Variants in MBD5 observed in about 807,000 individuals in gnomAD.
The protein encoded by MBD5 is methyl-CpG-binding domain protein 5.
Under a neutral mutation model 117.3 loss-of-function variants are expected in MBD5, and 13 were observed. The observed-to-expected ratio is 0.11, with a 90% CI of 0.07 to 0.18. MBD5 has a LOEUF of 0.18. MBD5 is among the 10% of genes least tolerant of loss of function. MBD5 has a pLI of 1.00. For missense variants in MBD5, 1,879 were observed against 2,093.8 expected, an observed-to-expected ratio of 0.90 and a Z score of 2.00; for synonymous variants, 727 against 766.4, an observed-to-expected ratio of 0.95 and a Z score of 0.85.
intron 3 of MBD5, among the ~76,000 whole-genome samples, chr2:148,324,022 A>C (rs1205312836): frequency 1.3e-5 from 2 of 152,152 alleles, no homozygotes; most frequent in Non-Finnish European, 2.9e-5. Flanking sequence ...TTTTTGTATA[A>C]GGTGTAAGGA....
At chr2:148,328,503 C>A (rs541409059) in intron 3 of MBD5, among the ~76,000 whole-genome samples, 2 of 152,188 alleles carry the variant, frequency 1.3e-5, no homozygotes, top group African/African-American at 4.8e-5. Flanking sequence ...ACTCTGTGGG[C>A]GTAGGACCCT....
intron 2 of MBD5, among the ~76,000 whole-genome samples, chr2:148,214,664 C>G (rs1699508631): frequency 6.6e-6 from 1 of 152,150 alleles, no homozygotes; most frequent in South Asian, 2.1e-4. Context: ...TATGTTGCTT[C>G]TCTACCCCAT....
intron 3 of MBD5, among the ~76,000 whole-genome samples, chr2:148,265,411 C>T (rs1304236218): frequency 2.6e-5 from 4 of 152,116 alleles, no homozygotes; most frequent in Admixed American, 6.5e-5. Flanking sequence ...GTATTCTAAA[C>T]ATCTTTCTAT....
In MBD5 at chr2:148,048,658, A is replaced by G. The variant is rs149139995; in HGVS notation, c.-925+26974A>G. On this transcript the variant is annotated intron_variant, in intron 1 of 13. Coordinates refer to ENST00000642680, the MANE Select transcript of MBD5 (RefSeq NM_001378120.1). ...TCCAGGAATGAGGAAGAACATATTC[A>G]AAAGGAGGGTCAAGGTAACATGACT... 4.6e-3 allele frequency among the ~76,000 whole-genome samples: 696 copies of G among 152,254 alleles called. 12 individuals carry two copies. The highest frequency in any genetic ancestry group is 0.03 in the Admixed American group (466 of 15,280).
chr2:148,296,501 A>G, intron 3 of MBD5: 1 of 157,490 alleles, frequency 6.3e-6, no homozygotes, highest in Non-Finnish European at 1.4e-5. Flanking sequence ...TGAAGAACTG[A>G]ATTCCCAAAA....
chr2:148,227,003 C>G (rs1015728084), intron 2 of MBD5, among the ~76,000 whole-genome samples: 125 of 152,244 alleles, frequency 8.2e-4, no homozygotes, highest in Non-Finnish European at 1.3e-3. Context: ...ATTGTAGATT[C>G]TGGATATTAG....
intron 3 of MBD5, among the ~76,000 whole-genome samples, chr2:148,236,556 G>A (rs1700096042): frequency 1.3e-5 from 2 of 152,070 alleles, no homozygotes; most frequent in Admixed American, 1.3e-4. Context: ...TGGGCAGTAG[G>A]TCTCAACAGC....
At chr2:148,086,504 A>G (rs1573997983) in intron 1 of MBD5, among the ~76,000 whole-genome samples, 1 of 152,176 alleles carries the variant, frequency 6.6e-6, no homozygotes, top group South Asian at 2.1e-4. Flanking sequence ...CAGTGTTTTA[A>G]TGCAAAATAT....
intron 4 of MBD5, chr2:148,347,716 A>T (rs1206299621): frequency 6.6e-6 from 1 of 152,066 alleles, no homozygotes; most frequent in African/African-American, 2.4e-5. Flanking sequence ...AAGAAAACAA[A>T]GGACTTCTAG....
In MBD5 at chr2:148,512,963, G is replaced by T. The variant is rs770071451; in HGVS notation, c.*22G>T. 1.3e-6 allele frequency: 2 copies of T among 1,599,686 alleles called. No individual in the cohort carries two copies. Among genetic ancestry groups the T allele is most frequent in the African/African-American group, 1.3e-5 (1 of 74,690 alleles). ...ATAACAGAGACTACTCCACTAATGC[G>T]CAGTGTTTATTAAAGGAACATGCAC... On this transcript the variant is annotated 3_prime_UTR_variant, in exon 14 of 14. Coordinates refer to ENST00000642680, the MANE Select transcript of MBD5 (RefSeq NM_001378120.1).
chr2:148,314,931 A>G lies in MBD5; in HGVS notation c.-679-27283A>G, dbSNP rs1395647020. 3.9e-5 allele frequency among the ~76,000 whole-genome samples: 6 copies of G among 152,160 alleles called. No homozygotes were observed. In the East Asian group the frequency reaches 9.6e-4, roughly 24 times the overall value. On this transcript the variant is annotated intron_variant, in intron 3 of 13. Transcript: ENST00000642680. ...GCTTTTATCGACTTATATCCATTCA[A>G]TTCACTTGTTTGTAACAACTATGTT...
chr2:148,292,754 A>G (rs1184957721), intron 3 of MBD5, among the ~76,000 whole-genome samples: 2 of 152,200 alleles, frequency 1.3e-5, no homozygotes, highest in African/African-American at 2.4e-5. Context: ...CATATTGAAG[A>G]TATATCTGTG....
rs534465842 is a variant in MBD5, at chr2:148,056,637, A to C, written c.-925+34953A>C. On this transcript the variant is annotated intron_variant, in intron 1 of 13. Transcript: ENST00000642680. ...ATGATTTCCTAAATTTAACCAAAAC[A>C]GACTTTGTCATGTTATCTTTTTTAT... Among the ~76,000 whole-genome samples the C allele has an allele frequency of 3.3e-5, 5 of 152,222 alleles. No homozygotes were observed. In the East Asian group the frequency reaches 9.6e-4, roughly 29 times the overall value.
In MBD5 at chr2:148,514,779, CTT is replaced by C. The variant is rs1298131395; in HGVS notation, c.*1841_*1842del. ...GCACAGAGCATGCCACCTGGGCTCACTTTTGATAGCAACAGCTCTTAGTTATT... is the reference window on the plus strand; with the variant it reads ...GCACAGAGCATGCCACCTGGGCTCACTTGATAGCAACAGCTCTTAGTTATT... On this transcript the variant is annotated 3_prime_UTR_variant, in exon 14 of 14. Transcript: ENST00000642680. 6.6e-6 allele frequency: 1 copy of C among 152,292 alleles called. No individual in the cohort carries two copies. The highest frequency in any genetic ancestry group is 1.5e-5 in the Non-Finnish European group (1 of 68,106). The allele number at this position is 152,292 out of a possible 1,614,324, so 9.4% of individuals were successfully genotyped here. A position where few individuals can be genotyped will look rare whatever the true frequency, so the allele number is the denominator to read the frequency against.
intron 4 of MBD5, among the ~76,000 whole-genome samples, chr2:148,413,772 T>C (rs1026382852): frequency 1.3e-5 from 2 of 151,974 alleles, no homozygotes; most frequent in African/African-American, 2.4e-5. Flanking sequence ...ATATTCATAG[T>C]AGTATCTGAG....
chr2:148,057,182 T>C (rs1038218852), intron 1 of MBD5, among the ~76,000 whole-genome samples: 2 of 151,904 alleles, frequency 1.3e-5, no homozygotes, highest in African/African-American at 2.4e-5. Flanking sequence ...TGTTATTTTC[T>C]ATTGTGTGCT....
intron 1 of MBD5, among the ~76,000 whole-genome samples, chr2:148,167,899 G>A (rs1420652039): frequency 6.6e-6 from 1 of 152,020 alleles, no homozygotes; most frequent in Non-Finnish European, 1.5e-5. Flanking sequence ...TATTTTGTTT[G>A]TTTTCACTTT....
chr2:148,486,881 T>C (rs576893790), intron 10 of MBD5, among the ~76,000 whole-genome samples: 1 of 152,350 alleles, frequency 6.6e-6, no homozygotes, highest in South Asian at 2.1e-4. Context: ...GAGGGTAATT[T>C]GATAGCATAT....
rs1553499300 is a variant in MBD5, at chr2:148,314,384, T to TTTG, written c.-679-27828_-679-27827insGTT. On this transcript the variant is annotated intron_variant, in intron 3 of 13. Coordinates refer to ENST00000642680, the MANE Select transcript of MBD5 (RefSeq NM_001378120.1). ...AATGTTTCAGTGTTATGGTTTTTTTTTTTTTTTTTTTGAGACAGAGTCTCA... is the reference window on the plus strand; with the variant it reads ...AATGTTTCAGTGTTATGGTTTTTTTTTTGTTTTTTTTTTTGAGACAGAGTCTCA... 6.8e-5 allele frequency among the ~76,000 whole-genome samples: 10 copies of TTTG among 147,058 alleles called. No homozygotes were observed. The East Asian group carries it at 1.2e-3, about 18-fold the overall frequency.
Sources: gnomAD v4.1 joint callset for allele counts (sites outside exome capture counted in the v4.1 genomes callset) on GRCh38, gnomAD v4.1.1 for gene constraint, MANE v1.5 for transcripts, NCBI Gene and HGNC (gene_info 2026-07-23, HGNC 2026-07-21) for gene names.